PRORP: variants seen among roughly 807,000 people sequenced by gnomAD.
PRORP encodes mitochondrial ribonuclease P catalytic subunit.
Under a neutral mutation model 59.4 loss-of-function variants are expected in PRORP, and 51 were observed. That is an observed-to-expected ratio of 0.86 (90% CI 0.69 to 1.08). The LOEUF is 1.08. Among genes scored for constraint, PRORP ranks in the 50% least tolerant of loss-of-function variants. The probability of loss-of-function intolerance (pLI) is 0.00; values close to 1 mark genes in which losing one functional copy is unlikely to be tolerated. For synonymous variants in PRORP, 231 were observed against 245.6 expected, an observed-to-expected ratio of 0.94 and a Z score of 0.55; for missense variants, 646 against 690.3, an observed-to-expected ratio of 0.94 and a Z score of 0.72.
intron 4 of PRORP, among the ~76,000 whole-genome samples, chr14:35,156,340 GTT>G: frequency 6.6e-6 from 1 of 152,312 alleles, no homozygotes; most frequent in South Asian, 2.1e-4. Flanking sequence ...GATTTCCTGT[GTT>G]TAAAAGAGTG....
intron 6 of PRORP, among the ~76,000 whole-genome samples, chr14:35,269,366 T>A (rs944999692): frequency 2.6e-5 from 4 of 152,236 alleles, no homozygotes; most frequent in Non-Finnish European, 4.4e-5. Context: ...GTGGTCTCAC[T>A]GCTTGGTTTG....
chr14:35,194,822 A>G (rs2048969879), intron 5 of PRORP, among the ~76,000 whole-genome samples: 1 of 152,240 alleles, frequency 6.6e-6, no homozygotes, highest in South Asian at 2.1e-4. Context: ...AAAATTATAA[A>G]GAAAGTCTTA....
At chr14:35,259,140 T>C (rs2050833503) in intron 5 of PRORP, among the ~76,000 whole-genome samples, 1 of 152,224 alleles carries the variant, frequency 6.6e-6, no homozygotes, top group African/African-American at 2.4e-5. Context: ...CTCTGTTGTT[T>C]GGTACACACA....
In PRORP at chr14:35,194,156, A is replaced by G. The variant is rs148539458; in HGVS notation, c.1275+13379A>G. On this transcript the variant is annotated intron_variant, in intron 5 of 7. Transcript: ENST00000534898. The stretch of plus-strand genomic sequence containing the variant: ...GAAAAATGCTGCCATAAGAAGTCAA[A>G]AAGTCCTTCACTTCCCTTGTAAGTT... Among the ~76,000 whole-genome samples, 12 of 152,300 alleles carry G rather than the reference A, an allele frequency of 7.9e-5. 1 individual carries two copies. Among genetic ancestry groups the G allele is most frequent in the African/African-American group, 2.9e-4 (12 of 41,568 alleles).
chr14:35,253,179 C>T (rs756826857), intron 5 of PRORP, among the ~76,000 whole-genome samples: 2 of 151,848 alleles, frequency 1.3e-5, no homozygotes, highest in African/African-American at 2.4e-5. Flanking sequence ...ACAAATAATA[C>T]AAAAATTAGC....
chr14:35,216,090 A>G (rs1156242010), intron 5 of PRORP, among the ~76,000 whole-genome samples: 1 of 148,234 alleles, frequency 6.7e-6, no homozygotes. Context: ...TTTAAATATA[A>G]ATTACATATA....
intron 4 of PRORP, 111 bp from the exon 5 acceptor site, chr14:35,180,559 A>T: frequency 2.3e-5 from 12 of 527,874 alleles, no homozygotes; most frequent in Non-Finnish European, 3.7e-5. Context: ...TGTATTTTTA[A>T]GGGATGAATA....
intron 5 of PRORP, among the ~76,000 whole-genome samples, chr14:35,208,462 A>G (rs764520840): frequency 1.3e-5 from 2 of 152,260 alleles, no homozygotes; most frequent in South Asian, 4.1e-4. Flanking sequence ...CATATAATGT[A>G]ATTTTAAATG....
At chr14:35,135,873 G>A (rs1049730232) in intron 4 of PRORP, among the ~76,000 whole-genome samples, 4 of 151,550 alleles carry the variant, frequency 2.6e-5, no homozygotes, top group Admixed American at 6.6e-5. Flanking sequence ...CAGAAGAATC[G>A]CTGGAACCTG....
intron 4 of PRORP, among the ~76,000 whole-genome samples, chr14:35,160,428 G>A (rs985352777): frequency 7.2e-5 from 11 of 152,168 alleles, no homozygotes; most frequent in Admixed American, 2.6e-4. Flanking sequence ...TTATGCACTA[G>A]AAATTTCAGG....
At chr14:35,175,585 G>A (rs1387174631) in intron 4 of PRORP, among the ~76,000 whole-genome samples, 1 of 91,122 alleles carries the variant, frequency 1.1e-5, no homozygotes, top group East Asian at 4.1e-4. Flanking sequence ...CTTTTTGATG[G>A]GGTTGTTTTT....
chr14:35,245,019 G>A (rs1262265348), intron 5 of PRORP, among the ~76,000 whole-genome samples: 1 of 152,208 alleles, frequency 6.6e-6, no homozygotes, highest in East Asian at 1.9e-4. Flanking sequence ...TTCTTTGGGA[G>A]CCCCTTCTGG....
chr14:35,222,290 C>A (rs1438846880), intron 5 of PRORP: 1 of 152,056 alleles, frequency 6.6e-6, no homozygotes, highest in Non-Finnish European at 1.5e-5. Flanking sequence ...GAACCCATAC[C>A]CAAACTCCAG....
At chr14:35,183,296 G>A (rs1293150960) in intron 5 of PRORP, among the ~76,000 whole-genome samples, 4 of 151,920 alleles carry the variant, frequency 2.6e-5, no homozygotes, top group Non-Finnish European at 5.9e-5. Context: ...ATAGAATACT[G>A]TATAAGAGAA....
chr14:35,164,801 A>G (rs763991162), intron 4 of PRORP, among the ~76,000 whole-genome samples: 6 of 152,212 alleles, frequency 3.9e-5, no homozygotes, highest in Non-Finnish European at 8.8e-5. Flanking sequence ...CCTTCATTAG[A>G]CATATCCAGG....
chr14:35,180,540 G>A (rs2048578466), intron 4 of PRORP, 130 bp from the exon 5 acceptor site: 3 of 609,978 alleles, frequency 4.9e-6, no homozygotes, highest in Admixed American at 5.6e-5. Context: ...GTGTGTGTGT[G>A]TGTGTGTGTG....
intron 6 of PRORP, among the ~76,000 whole-genome samples, chr14:35,267,580 A>G (rs975353724): frequency 6.6e-6 from 1 of 152,084 alleles, no homozygotes; most frequent in African/African-American, 2.4e-5. Context: ...TCAGGAGATC[A>G]AGACCATCCT....
chr14:35,174,739 CT>C (rs151311368), intron 4 of PRORP, among the ~76,000 whole-genome samples: 1,691 of 110,374 alleles, frequency 0.015, 26 homozygotes, highest in South Asian at 0.097. Flanking sequence ...GTTCATTCTT[CT>C]TTTTTTTTTC....
At chr14:35,172,548 CTCTT>C (rs201589085) in intron 4 of PRORP, among the ~76,000 whole-genome samples, 7,920 of 144,414 alleles carry the variant, frequency 0.055, 332 homozygotes, top group Middle Eastern at 0.1. Context: ...CTCTCCTCTC[CTCTT>C]TCTTTCTTTC....
Sources: gnomAD v4.1 joint callset for allele counts (sites outside exome capture counted in the v4.1 genomes callset) on GRCh38, gnomAD v4.1.1 for gene constraint, MANE v1.5 for transcripts, NCBI Gene and HGNC (gene_info 2026-07-23, HGNC 2026-07-21) for gene names.